ZBTB14: variants seen among roughly 807,000 people sequenced by gnomAD.
ZBTB14 encodes zinc finger and BTB domain-containing protein 14.
In ZBTB14, 8 loss-of-function variants were observed where a neutral mutation model predicts 29.5. That is an observed-to-expected ratio of 0.27 (90% CI 0.16 to 0.49). ZBTB14 has a LOEUF of 0.49. Ranked by LOEUF, ZBTB14 falls within the 20% of genes least tolerant of loss-of-function variation. The pLI, the probability that ZBTB14 is intolerant of heterozygous loss-of-function variation, is 0.99. For synonymous variants in ZBTB14, 226 were observed against 207.2 expected (o/e 1.09, Z -0.78); for missense variants, 333 against 563.8 (o/e 0.59, Z 4.15).
chr18:5,296,567 G>A (rs1476899447), upstream of ZBTB14, among the ~76,000 whole-genome samples: 3 of 151,978 alleles, frequency 2.0e-5, no homozygotes, highest in Non-Finnish European at 4.4e-5. Flanking sequence ...GCGCACACCG[G>A]CCGACACCGG....
In ZBTB14 at chr18:5,293,257, G is replaced by A; in HGVS notation, c.-11C>T. On this transcript the variant is annotated 5_prime_UTR_variant, in exon 3 of 4. Coordinates refer to ENST00000651870, the MANE Select transcript of ZBTB14 (RefSeq NM_001243702.2). ...AGTTATAGTTACCATGAACAACTCA[G>A]GCTATTATCTTAATGCCTTGAACGC... The A allele has an allele frequency of 6.2e-7, 1 of 1,613,192 alleles. No homozygotes were observed. The highest frequency in any genetic ancestry group is 8.5e-7 in the Non-Finnish European group (1 of 1,179,646).
At position 5,289,896 on chromosome 18, in the gene ZBTB14, C is replaced by T. The variant is rs771214513; in HGVS notation, c.*962G>A. On this transcript the variant is annotated 3_prime_UTR_variant, in exon 4 of 4. Transcript: ENST00000651870. Reference sequence around the variant, plus strand: ...ATAAATCATGTGCCCCACAGAGCCCCAAAGCTTGATGACATTCTGTAAAGT... The same window carrying T: ...ATAAATCATGTGCCCCACAGAGCCCTAAAGCTTGATGACATTCTGTAAAGT... The T allele has an allele frequency of 3.3e-5, 5 of 152,444 alleles. No homozygotes were observed. Among genetic ancestry groups the T allele is most frequent in the African/African-American group, 4.8e-5 (2 of 41,544 alleles). The allele number at this position is 152,444 out of a possible 1,614,324, so 9.4% of individuals were successfully genotyped here. A position where few individuals can be genotyped will look rare whatever the true frequency, so the allele number is the denominator to read the frequency against.
intron 3 of ZBTB14, among the ~76,000 whole-genome samples, chr18:5,292,517 A>T (rs2071839852): frequency 6.6e-6 from 1 of 152,226 alleles, no homozygotes; most frequent in African/African-American, 2.4e-5. Flanking sequence ...CTTATTTTAG[A>T]GACAAAGTTA....
In ZBTB14 at chr18:5,289,570, A is replaced by G. The variant is rs2082240249; in HGVS notation, c.*1288T>C. ...GGTTAAAAGAACATTTAGTATACCA[A>G]AACTGGAATAGAGTTTATAATTCTC... On this transcript the variant is annotated 3_prime_UTR_variant, in exon 4 of 4. Coordinates refer to ENST00000651870, the MANE Select transcript of ZBTB14 (RefSeq NM_001243702.2). 6.6e-6 allele frequency: 1 copy of G among 152,226 alleles called. No individual in the cohort carries two copies. Among genetic ancestry groups the G allele is most frequent in the Non-Finnish European group, 1.5e-5 (1 of 68,022 alleles). The allele number at this position is 152,226 out of a possible 1,614,324, so 9.4% of individuals were successfully genotyped here.
upstream of ZBTB14, chr18:5,296,998 C>T (rs62080509): frequency 2.0e-5 from 3 of 152,036 alleles, no homozygotes; most frequent in Non-Finnish European, 4.4e-5. Flanking sequence ...CCCGCTCCCG[C>T]GTTTTCTGCT....
intron 1 of ZBTB14, among the ~76,000 whole-genome samples, chr18:5,295,113 G>A (rs1044189330): frequency 2.7e-5 from 4 of 148,328 alleles, no homozygotes; most frequent in African/African-American, 7.4e-5. Flanking sequence ...GGAGCGCGCA[G>A]GGAGGGACTG....
intron 1 of ZBTB14, among the ~76,000 whole-genome samples, chr18:5,295,313 T>A (rs1025872842): frequency 1.4e-5 from 2 of 142,290 alleles, no homozygotes. Flanking sequence ...CGCGGCCGGC[T>A]AACCCAAGCT....
rs1260220433 is a variant in ZBTB14, at chr18:5,290,734, T to C, written c.*124A>G. On this transcript the variant is annotated 3_prime_UTR_variant, in exon 4 of 4. Coordinates refer to ENST00000651870, the MANE Select transcript of ZBTB14 (RefSeq NM_001243702.2). Reference sequence around the variant, plus strand: ...TAAAAATAGCTAACCAAGCACTGCCTTAAGTCCAGTGAGTACAATGTTCCA... The same window carrying C: ...TAAAAATAGCTAACCAAGCACTGCCCTAAGTCCAGTGAGTACAATGTTCCA... 9 of 1,426,190 alleles carry C rather than the reference T, an allele frequency of 6.3e-6. No individual in the cohort carries two copies. The highest frequency in any genetic ancestry group is 8.5e-6 in the Non-Finnish European group (9 of 1,058,514). 88.3% of individuals were successfully genotyped at this position (1,426,190 alleles called of 1,614,324 possible).
rs57522202 is a variant in ZBTB14, at chr18:5,290,608, A to AG, written c.*249dup. ...CAAATTAAAATAATAAAAAAAAAAAAGGGAGAGAGGTGCTTACTGGGCAAC... is the reference window on the plus strand; with the variant it reads ...CAAATTAAAATAATAAAAAAAAAAAAGGGGAGAGAGGTGCTTACTGGGCAAC... On this transcript the variant is annotated 3_prime_UTR_variant, in exon 4 of 4. Transcript: ENST00000651870. 1.5e-5 allele frequency: 5 copies of AG among 332,374 alleles called. No homozygotes were observed. Among genetic ancestry groups the AG allele is most frequent in the South Asian group, 5.5e-5 (1 of 18,266 alleles). 20.6% of individuals were successfully genotyped at this position (332,374 alleles called of 1,614,324 possible).
Position 5,291,008 on chromosome 18 carries a change from C to T in ZBTB14, c.1200G>A (p.Lys400=), listed in dbSNP as rs2071801181. ...TCTCGTGCCTTTTCAGATCAGATGC[C>T]TTGGCAAATGCCTTGGTGCAGGAGC... ...VCGSCTKAFA[K]ASDLKRHENN... Residue 400 remains lysine, a synonymous_variant, in exon 4 of 4, where the codon AAG becomes AAA. Coordinates refer to ENST00000651870, the MANE Select transcript of ZBTB14 (RefSeq NM_001243702.2). The surrounding 1 kb of genome is among the most constrained non-coding windows in gnomAD (Gnocchi z 5.8). 3 of 1,614,144 alleles carry T rather than the reference C, an allele frequency of 1.9e-6. No homozygotes were observed. The highest frequency in any genetic ancestry group is 3.3e-5 in the Admixed American group (2 of 60,016).
Position 5,289,678 on chromosome 18 carries a change from G to C in ZBTB14, c.*1180C>G, listed in dbSNP as rs1251032685. Reference sequence around the variant, plus strand: ...TATATTTCGAAAACATAAACATTTGGTCTGACAATCTTTAATATTTGTTAA... The same window carrying C: ...TATATTTCGAAAACATAAACATTTGCTCTGACAATCTTTAATATTTGTTAA... On this transcript the variant is annotated 3_prime_UTR_variant, in exon 4 of 4. Transcript: ENST00000651870. 1 of 152,392 alleles carries C rather than the reference G, an allele frequency of 6.6e-6. No homozygotes were observed. The highest frequency in any genetic ancestry group is 6.5e-5 in the Admixed American group (1 of 15,274). 9.4% of individuals were successfully genotyped at this position (152,392 alleles called of 1,614,324 possible). A position where few individuals can be genotyped will look rare whatever the true frequency, so the allele number is the denominator to read the frequency against.
chr18:5,293,343 T>C lies in ZBTB14; in HGVS notation c.-81-16A>G. Reference sequence around the variant, plus strand: ...CACGCCAGACCTACAGAGGAAAGGATAAACAAGAATGAGGTAGGATCTTCC... The same window carrying C: ...CACGCCAGACCTACAGAGGAAAGGACAAACAAGAATGAGGTAGGATCTTCC... On this transcript the variant is annotated splice_polypyrimidine_tract_variant and intron_variant, in intron 2 of 3. Transcript: ENST00000651870. 7.9e-7 allele frequency: 1 copy of C among 1,260,446 alleles called. No homozygotes were observed. Among genetic ancestry groups the C allele is most frequent in the Non-Finnish European group, 1.1e-6 (1 of 898,072 alleles). 78.1% of individuals were successfully genotyped at this position (1,260,446 alleles called of 1,614,324 possible). A position where few individuals can be genotyped will look rare whatever the true frequency, so the allele number is the denominator to read the frequency against.
chr18:5,296,263 C>G (rs906441970), upstream of ZBTB14: 5 of 149,734 alleles, frequency 3.3e-5, no homozygotes, highest in African/African-American at 9.8e-5. Context: ...GCGCGCGGAG[C>G]CCGCGCGCGG....
rs2071802552 is a variant in ZBTB14, at chr18:5,291,063, CTTCT to C, written c.1141_1144del (p.Arg381AspfsTer23). 1 of 1,614,138 alleles carries C rather than the reference CTTCT, an allele frequency of 6.2e-7. No homozygotes were observed. On this transcript the variant is annotated frameshift_variant, in exon 4 of 4. Coordinates refer to ENST00000651870, the MANE Select transcript of ZBTB14 (RefSeq NM_001243702.2). LOFTEE classifies it high-confidence loss of function. This position sits in a 1 kb window ranked among gnomAD's most constrained non-coding sequence, Gnocchi z 5.8. ...CACAAAAGGCTTTTCCCCTCTGTGT[CTTCT>C]TTCATGATCCTTGAGGTGAGACTTG... is the stretch of plus-strand genomic sequence containing the variant.
chr18:5,292,852 G>T (rs1208669663), intron 3 of ZBTB14, among the ~76,000 whole-genome samples: 1 of 152,076 alleles, frequency 6.6e-6, no homozygotes, highest in Non-Finnish European at 1.5e-5. Context: ...AGCACTTTTG[G>T]GCCACTTCTA....
At chr18:5,296,714 C>T (rs1031281377), upstream of ZBTB14, among the ~76,000 whole-genome samples, 5 of 152,080 alleles carry the variant, frequency 3.3e-5, no homozygotes, top group Admixed American at 6.5e-5. Flanking sequence ...TAAAGCGCAA[C>T]CCCAGTTGCC....
chr18:5,292,363 A>G (rs1330130029), intron 3 of ZBTB14, among the ~76,000 whole-genome samples, 159 bp from the exon 4 acceptor site: 1 of 152,180 alleles, frequency 6.6e-6, no homozygotes, highest in East Asian at 1.9e-4. Context: ...ACTGATCCCA[A>G]CTCAAGGATC....
Position 5,295,692 on chromosome 18 carries a change from G to A in ZBTB14, c.-152C>T, listed in dbSNP as rs2071944005. The A allele has an allele frequency of 6.6e-6, 1 of 150,632 alleles. No homozygotes were observed. Among genetic ancestry groups the A allele is most frequent in the African/African-American group, 2.4e-5 (1 of 41,118 alleles). 9.3% of individuals were successfully genotyped at this position (150,632 alleles called of 1,614,324 possible). ...GCGGCCGCCGCACATCCTGGAGCTGGCTGGTGCCCCAGAGCTCGGCGAGAA... is the reference window on the plus strand; with the variant it reads ...GCGGCCGCCGCACATCCTGGAGCTGACTGGTGCCCCAGAGCTCGGCGAGAA... On this transcript the variant is annotated 5_prime_UTR_variant, in exon 1 of 4. Coordinates refer to ENST00000651870, the MANE Select transcript of ZBTB14 (RefSeq NM_001243702.2).
At chr18:5,295,085 G>C (rs1466850888) in intron 1 of ZBTB14, among the ~76,000 whole-genome samples, 1 of 151,298 alleles carries the variant, frequency 6.6e-6, no homozygotes, top group Non-Finnish European at 1.5e-5. Context: ...GTCGAGCGCA[G>C]GCTTGGGACC....
Sources: gnomAD v4.1 joint callset for allele counts (sites outside exome capture counted in the v4.1 genomes callset) on GRCh38, gnomAD v4.1.1 for gene constraint, Gnocchi (gnomAD v3.1) non-coding constraint, MANE v1.5 for transcripts, NCBI Gene and HGNC (gene_info 2026-07-23, HGNC 2026-07-21) for gene names.